MAGI2: variants seen among roughly 807,000 people sequenced by gnomAD.
MAGI2 encodes membrane-associated guanylate kinase, WW and PDZ domain-containing protein 2.
Under a neutral mutation model 133.3 loss-of-function variants are expected in MAGI2, and 35 were observed. The observed-to-expected ratio is 0.26, with a 90% confidence interval of 0.20 to 0.35. The LOEUF (loss-of-function observed/expected upper bound fraction) is 0.35. MAGI2 is among the 10% of genes least tolerant of loss of function. The pLI, the probability that MAGI2 is intolerant of heterozygous loss-of-function variation, is 1.00. For synonymous variants in MAGI2, 729 were observed against 710.6 expected, an observed-to-expected ratio of 1.03 and a Z score of -0.41; for missense variants, 1,636 against 1,863.4, an observed-to-expected ratio of 0.88 and a Z score of 2.25.
At chr7:78,088,620 C>A (rs1213602769) in intron 20 of MAGI2, among the ~76,000 whole-genome samples, 1 of 152,202 alleles carries the variant, frequency 6.6e-6, no homozygotes, top group Non-Finnish European at 1.5e-5. Context: ...AAAGAAGTTA[C>A]AGGGGCTGAG....
At chr7:78,775,982 T>C (rs1034059619) in intron 2 of MAGI2, among the ~76,000 whole-genome samples, 2 of 152,238 alleles carry the variant, frequency 1.3e-5, no homozygotes, top group Admixed American at 6.5e-5. Flanking sequence ...GGAACTGGAC[T>C]CTGTCTCTGG....
rs376313759 is a variant in MAGI2 at position 78,551,833 on chromosome 7, T to C, written c.539-30188A>G. 2.0e-5 allele frequency among the ~76,000 whole-genome samples: 3 copies of C among 152,236 alleles called. No individual in the cohort carries two copies. The East Asian group carries it at 5.8e-4, about 30-fold the overall frequency. On this transcript the variant is annotated intron_variant, in intron 3 of 21. Coordinates refer to ENST00000354212, the MANE Select transcript of MAGI2 (RefSeq NM_012301.4). Reference sequence around the variant, plus strand: ...GAACCTGGCTCACTGCAGCCTTGAATTGCTGGGCTCAAGTGATCCTCCCAT... The same window carrying C: ...GAACCTGGCTCACTGCAGCCTTGAACTGCTGGGCTCAAGTGATCCTCCCAT...
At chr7:79,149,113 A>T (rs1198415886) in intron 1 of MAGI2, among the ~76,000 whole-genome samples, 1 of 144,428 alleles carries the variant, frequency 6.9e-6, no homozygotes, top group Non-Finnish European at 1.5e-5. Context: ...AATATATTAT[A>T]TTATATATAA....
At chr7:78,565,578 T>C (rs558130212) in intron 3 of MAGI2, among the ~76,000 whole-genome samples, 21 of 151,826 alleles carry the variant, frequency 1.4e-4, no homozygotes, top group African/African-American at 5.1e-4. Context: ...TTCAAATACT[T>C]TTAAAAAAAT....
intron 3 of MAGI2, chr7:78,619,051 C>T (rs920887460): frequency 7.7e-6 from 1 of 130,292 alleles, no homozygotes; most frequent in Non-Finnish European, 1.7e-5. Flanking sequence ...ATGTTCTCAT[C>T]ATGAAGAAAC....
intron 1 of MAGI2, among the ~76,000 whole-genome samples, chr7:79,132,373 C>A (rs776993369): frequency 2.0e-5 from 3 of 152,088 alleles, no homozygotes; most frequent in Non-Finnish European, 2.9e-5. Flanking sequence ...GCTTAGCTCC[C>A]ACTTATAAAT....
At chr7:78,312,550 T>C (rs866413695) in intron 9 of MAGI2, among the ~76,000 whole-genome samples, 1 of 152,074 alleles carries the variant, frequency 6.6e-6, no homozygotes, top group Non-Finnish European at 1.5e-5. Flanking sequence ...AATAGCCCCA[T>C]AAAGACGAGA....
intron 9 of MAGI2, among the ~76,000 whole-genome samples, chr7:78,341,572 C>T (rs1377787217): frequency 6.6e-6 from 1 of 152,128 alleles, no homozygotes; most frequent in Non-Finnish European, 1.5e-5. Flanking sequence ...TATAAGGCTA[C>T]AGTAACCAAA....
At chr7:79,316,389 G>A (rs1838723346) in intron 1 of MAGI2, among the ~76,000 whole-genome samples, 2 of 152,064 alleles carry the variant, frequency 1.3e-5, no homozygotes, top group South Asian at 4.1e-4. Context: ...TTATAAAATA[G>A]TTTCATATCC....
chr7:79,150,912 T>C lies in MAGI2; in HGVS notation c.302-143706A>G, dbSNP rs1585052720. ...GACTAATAAAATATCTTAAAATAAGTTATCTAGTTAAAGGCATTTTAAAAA... is the reference window on the plus strand; with the variant it reads ...GACTAATAAAATATCTTAAAATAAGCTATCTAGTTAAAGGCATTTTAAAAA... On this transcript the variant is annotated intron_variant, in intron 1 of 21. Transcript: ENST00000354212. Among the ~76,000 whole-genome samples the C allele has an allele frequency of 2.0e-5, 3 of 152,122 alleles. No individual in the cohort carries two copies. The South Asian group carries it at 6.2e-4, about 31-fold the overall frequency.
At chr7:78,900,384 C>T (rs543215177) in intron 2 of MAGI2, among the ~76,000 whole-genome samples, 1 of 152,220 alleles carries the variant, frequency 6.6e-6, no homozygotes, top group African/African-American at 2.4e-5. Context: ...TAGAGCTGGT[C>T]CCCAGCTTCC....
intron 9 of MAGI2, among the ~76,000 whole-genome samples, chr7:78,316,857 A>G (rs1193810669): frequency 6.6e-6 from 1 of 152,216 alleles, no homozygotes; most frequent in Non-Finnish European, 1.5e-5. Flanking sequence ...ATGAGCTGAT[A>G]AACCATGAAT....
intron 1 of MAGI2, among the ~76,000 whole-genome samples, chr7:79,047,839 G>A (rs188014865): frequency 3.3e-5 from 5 of 152,188 alleles, no homozygotes; most frequent in Admixed American, 2.0e-4. Flanking sequence ...AGGGGACATT[G>A]TTTATTCTTC....
At chr7:78,769,412 A>T (rs1160511845) in intron 2 of MAGI2, among the ~76,000 whole-genome samples, 2 of 152,146 alleles carry the variant, frequency 1.3e-5, no homozygotes, top group Non-Finnish European at 2.9e-5. Context: ...CTACCCTTTT[A>T]AAAATGGAAA....
At chr7:79,416,725 C>T (rs369056981) in intron 1 of MAGI2, among the ~76,000 whole-genome samples, 65 of 102,448 alleles carry the variant, frequency 6.3e-4, no homozygotes, top group East Asian at 4.1e-3. Flanking sequence ...TTTTCTTTTT[C>T]TTTTTCTTTT....
At chr7:78,544,421 G>A (rs1798651782) in intron 3 of MAGI2, among the ~76,000 whole-genome samples, 1 of 152,128 alleles carries the variant, frequency 6.6e-6, no homozygotes, top group African/African-American at 2.4e-5. Flanking sequence ...AAGTTTTTTG[G>A]CAACTGGCAA....
chr7:79,138,669 A>G (rs1034721088), intron 1 of MAGI2, among the ~76,000 whole-genome samples: 2 of 152,148 alleles, frequency 1.3e-5, no homozygotes, highest in Non-Finnish European at 2.9e-5. Flanking sequence ...ATGATGCCCT[A>G]AGGGTGGGGC....
chr7:79,160,190 T>A (rs935137696), intron 1 of MAGI2, among the ~76,000 whole-genome samples: 4 of 152,130 alleles, frequency 2.6e-5, no homozygotes, highest in Non-Finnish European at 5.9e-5. Context: ...AAATAAAATA[T>A]GTTTTCGGTA....
chr7:78,041,723 T>A (rs990943491), intron 21 of MAGI2, among the ~76,000 whole-genome samples: 3 of 152,226 alleles, frequency 2.0e-5, no homozygotes, highest in African/African-American at 7.2e-5. Context: ...GGCTGGAAAG[T>A]CAGCTTCCTG....
Sources: gnomAD v4.1 joint callset for allele counts (sites outside exome capture counted in the v4.1 genomes callset) on GRCh38, gnomAD v4.1.1 for gene constraint, MANE v1.5 for transcripts, NCBI Gene and HGNC (gene_info 2026-07-23, HGNC 2026-07-21) for gene names.